The following DNM3 variants were observed in gnomAD, a reference collection of about 807,000 sequenced individuals.
The protein encoded by DNM3 is dynamin 3, also known as dynamin-3.
A neutral mutation model predicts 101.6 loss-of-function variants in DNM3; 47 were observed. The observed-to-expected ratio is 0.46, with a 90% CI of 0.37 to 0.59. DNM3 has a LOEUF of 0.59. DNM3 is among the 20% of genes least tolerant of loss of function. The pLI is 0.00. For missense variants in DNM3, 849 were observed against 1,085.7 expected, an observed-to-expected ratio of 0.78 and a Z score of 3.06; for synonymous variants, 385 against 387.9, an observed-to-expected ratio of 0.99 and a Z score of 0.09.
intron 13 of DNM3, among the ~76,000 whole-genome samples, chr1:172,116,040 C>G (rs990486894): frequency 6.6e-6 from 1 of 152,078 alleles, no homozygotes; most frequent in Non-Finnish European, 1.5e-5. Context: ...ATGGATGGAT[C>G]TTCTATCTCT....
intron 14 of DNM3, among the ~76,000 whole-genome samples, chr1:172,174,810 T>C (rs1331093387): frequency 6.6e-6 from 1 of 151,640 alleles, no homozygotes; most frequent in Non-Finnish European, 1.5e-5. Context: ...CTCTCTAACA[T>C]TGAGGGAAAC....
At chr1:172,273,325 G>A (rs2063154534) in intron 15 of DNM3, among the ~76,000 whole-genome samples, 2 of 151,890 alleles carry the variant, frequency 1.3e-5, no homozygotes, top group African/African-American at 4.8e-5. Context: ...TTAAGCCAAT[G>A]AGCCATCCTT....
At chr1:172,100,616 C>T (rs1295895101) in intron 13 of DNM3, among the ~76,000 whole-genome samples, 1 of 152,172 alleles carries the variant, frequency 6.6e-6, no homozygotes, top group Non-Finnish European at 1.5e-5. Flanking sequence ...ACCTGACTTC[C>T]TGGTACCGAT....
In DNM3 at chr1:171,982,762, A is replaced by G. The variant is rs551965623; in HGVS notation, c.236-4894A>G. ...GTACTTATACAGTTTAACCAGTGAG[A>G]TGGTTAAATGGTTAACAAGTAAACC... On this transcript the variant is annotated intron_variant, in intron 2 of 20. Transcript: ENST00000627582. Among the ~76,000 whole-genome samples the G allele has an allele frequency of 1.9e-3, 296 of 152,226 alleles. 1 individual carries two copies. Among genetic ancestry groups the G allele is most frequent in the African/African-American group, 6.9e-3 (286 of 41,516 alleles).
intron 11 of DNM3, among the ~76,000 whole-genome samples, chr1:172,077,161 A>G (rs2052727251): frequency 6.6e-6 from 1 of 152,036 alleles, no homozygotes; most frequent in South Asian, 2.1e-4. Flanking sequence ...CAAAGGTGAT[A>G]TCCCCTTTAT....
chr1:172,243,513 G>A (rs1339768305), intron 14 of DNM3, among the ~76,000 whole-genome samples: 1 of 152,128 alleles, frequency 6.6e-6, no homozygotes, highest in African/African-American at 2.4e-5. Context: ...TCTCCAGCTG[G>A]GGTAATGTCA....
In DNM3 at chr1:172,032,446, G is replaced by A; in HGVS notation, c.634G>A (p.Glu212Lys). The part of the protein sequence containing the change: ...GVITKLDLMD[E>K]GTDARDVLEN... ...TATCACCAAACTGGACCTTATGGATGAAGGAACGGATGCCAGGGATGTTCT... is the reference window on the plus strand; with the variant it reads ...TATCACCAAACTGGACCTTATGGATAAAGGAACGGATGCCAGGGATGTTCT... Residue 212 changes from glutamate (E) to lysine (K), a missense_variant, in exon 5 of 21, where the codon GAA (glutamate) becomes AAA (lysine). Around this residue, in one of 5 missense-constraint regions of DNM3, gnomAD observed 388 missense variants for 483.0 expected, o/e 0.80. Transcript: ENST00000627582. 6.2e-7 allele frequency: 1 copy of A among 1,606,344 alleles called. No individual in the cohort carries two copies. The highest frequency in any genetic ancestry group is 8.5e-7 in the Non-Finnish European group (1 of 1,175,320).
At chr1:172,104,615 AATTTT>A (rs1397594791) in intron 13 of DNM3, among the ~76,000 whole-genome samples, 2 of 152,054 alleles carry the variant, frequency 1.3e-5, no homozygotes, top group Non-Finnish European at 2.9e-5. Context: ...TATAGAATTT[AATTTT>A]ATTTATAAGG....
At chr1:172,117,304 T>G (rs546456647) in intron 13 of DNM3, among the ~76,000 whole-genome samples, 1 of 152,226 alleles carries the variant, frequency 6.6e-6, no homozygotes, top group East Asian at 1.9e-4. Context: ...GGCTCTTATA[T>G]TTAGTCTTTG....
intron 4 of DNM3, among the ~76,000 whole-genome samples, chr1:172,008,786 T>C (rs1473518331): frequency 1.6e-5 from 2 of 121,262 alleles, no homozygotes; most frequent in Non-Finnish European, 3.2e-5. Flanking sequence ...TTAATATATA[T>C]TAATATATAT....
At chr1:171,997,608 G>A (rs375059054) in intron 4 of DNM3, among the ~76,000 whole-genome samples, 10 of 152,042 alleles carry the variant, frequency 6.6e-5, no homozygotes, top group African/African-American at 1.4e-4. Context: ...ATTTACAGTC[G>A]TGCTCATATA....
At position 172,019,593 on chromosome 1, in the gene DNM3, C is replaced by A. The variant is rs145182365; in HGVS notation, c.590-12809C>A. ...GTTCCTTTCTCTCTCTCTTCTTCTG[C>A]ATATGTTAAACCTTTTGTAGTTGTC... On this transcript the variant is annotated intron_variant, in intron 4 of 20. Transcript: ENST00000627582. Among the ~76,000 whole-genome samples, 524 of 151,970 alleles carry A rather than the reference C, an allele frequency of 3.4e-3. 7 individuals carry two copies. Among genetic ancestry groups the A allele is most frequent in the African/African-American group, 0.012 (509 of 41,474 alleles).
At chr1:172,135,295 AC>A (rs1412822672) in intron 14 of DNM3, among the ~76,000 whole-genome samples, 1 of 152,158 alleles carries the variant, frequency 6.6e-6, no homozygotes, top group African/African-American at 2.4e-5. Flanking sequence ...GATAGGAGAC[AC>A]TAACTAAATA....
chr1:172,184,088 G>A (rs188611478), intron 14 of DNM3, among the ~76,000 whole-genome samples: 3 of 151,886 alleles, frequency 2.0e-5, no homozygotes, highest in African/African-American at 4.8e-5. Flanking sequence ...GCAAAGTAGC[G>A]TGAGGATCCC....
intron 14 of DNM3, among the ~76,000 whole-genome samples, chr1:172,235,936 G>A (rs938438874): frequency 6.6e-6 from 1 of 152,068 alleles, no homozygotes; most frequent in Non-Finnish European, 1.5e-5. Flanking sequence ...CATGACACAT[G>A]TATACATATG....
intron 2 of DNM3, among the ~76,000 whole-genome samples, chr1:171,937,404 G>A (rs949457147): frequency 1.3e-5 from 2 of 152,106 alleles, no homozygotes; most frequent in South Asian, 4.2e-4. Context: ...CTGCTAAAGT[G>A]CAGGTTACAG....
At chr1:172,136,596 A>G (rs2057244088) in intron 14 of DNM3, 2 of 152,184 alleles carry the variant, frequency 1.3e-5, no homozygotes, top group Admixed American at 1.3e-4. Flanking sequence ...ACATACATAA[A>G]CTATCTGATG....
intron 7 of DNM3, among the ~76,000 whole-genome samples, chr1:172,039,606 A>T (rs1284650422): frequency 6.6e-6 from 1 of 152,092 alleles, no homozygotes; most frequent in East Asian, 1.9e-4. Context: ...TCCAACTAAA[A>T]CTATTCTGCT....
At chr1:172,177,002 T>A (rs934103993) in intron 14 of DNM3, among the ~76,000 whole-genome samples, 2 of 151,804 alleles carry the variant, frequency 1.3e-5, no homozygotes, top group South Asian at 4.2e-4. Context: ...AGAACATAGA[T>A]CAAACTACAA....
Sources: allele counts gnomAD v4.1 joint callset (sites outside exome capture counted in the v4.1 genomes callset), GRCh38; gene constraint gnomAD v4.1.1; regional missense constraint gnomAD v4.1.1; transcripts MANE v1.5; gene names NCBI Gene and HGNC (gene_info 2026-07-23, HGNC 2026-07-21).